Variants in PHLPP1 observed in about 807,000 individuals in gnomAD.
PHLPP1 encodes the protein PH domain and leucine rich repeat protein phosphatase 1.
In PHLPP1, 42 loss-of-function variants were observed where a neutral mutation model predicts 117.2. The ratio of observed to expected loss-of-function variants is 0.36; its 90% CI spans 0.28 to 0.46. The LOEUF (loss-of-function observed/expected upper bound fraction) is 0.46. Among genes scored for constraint, PHLPP1 ranks in the 20% least tolerant of loss-of-function variants. PHLPP1 has a pLI of 1.00. For missense variants in PHLPP1, 2,084 were observed against 2,241.9 expected (o/e 0.93, Z 1.42); for synonymous variants, 1,042 against 970.7 (o/e 1.07, Z -1.37).
intron 10 of PHLPP1, among the ~76,000 whole-genome samples, chr18:62,933,013 T>C (rs891767055): frequency 1.3e-5 from 2 of 151,880 alleles, no homozygotes; most frequent in Non-Finnish European, 2.9e-5. Context: ...CCATTTACAA[T>C]AGCAAAAAAA....
intron 1 of PHLPP1, among the ~76,000 whole-genome samples, chr18:62,788,469 GA>G (rs1264963698): frequency 6.6e-6 from 1 of 152,160 alleles, no homozygotes; most frequent in Non-Finnish European, 1.5e-5. Context: ...GGCAAAAGGT[GA>G]AAGGTTTTTC....
At position 62,961,126 on chromosome 18, in the gene PHLPP1, G is replaced by A. The variant is rs145598192; in HGVS notation, c.3456-2242G>A. Among the ~76,000 whole-genome samples, 187 of 152,128 alleles carry A rather than the reference G, an allele frequency of 1.2e-3. 1 individual carries two copies. Among genetic ancestry groups the A allele is most frequent in the Non-Finnish European group, 1.7e-3 (117 of 67,996 alleles). Reference sequence around the variant, plus strand: ...AGCCTGACCAACATGATGAAAACCCGTCTCTACTAAATACAAAAAAATTGG... The same window carrying A: ...AGCCTGACCAACATGATGAAAACCCATCTCTACTAAATACAAAAAAATTGG... On this transcript the variant is annotated intron_variant, in intron 13 of 16. Coordinates refer to ENST00000262719, the MANE Select transcript of PHLPP1 (RefSeq NM_194449.4).
At chr18:62,720,643 T>C (rs955800599) in intron 1 of PHLPP1, among the ~76,000 whole-genome samples, 2 of 152,188 alleles carry the variant, frequency 1.3e-5, no homozygotes, top group African/African-American at 4.8e-5. Context: ...AGTAACGCGG[T>C]TCGAACGTGT....
intron 1 of PHLPP1, among the ~76,000 whole-genome samples, chr18:62,728,155 C>T (rs756700679): frequency 7.3e-5 from 11 of 151,720 alleles, no homozygotes; most frequent in East Asian, 2.0e-4. Flanking sequence ...ATTAGCTGGA[C>T]GTGGTGGTGC....
chr18:62,722,280 G>A (rs1910944025), intron 1 of PHLPP1, among the ~76,000 whole-genome samples: 1 of 152,194 alleles, frequency 6.6e-6, no homozygotes, highest in Non-Finnish European at 1.5e-5. Flanking sequence ...TGAGACATCT[G>A]TCAAATGAGG....
intron 10 of PHLPP1, among the ~76,000 whole-genome samples, chr18:62,939,936 A>G (rs1249140298): frequency 6.6e-6 from 1 of 151,990 alleles, no homozygotes; most frequent in African/African-American, 2.4e-5. Context: ...AATAGTCCTG[A>G]ATTGAATGGT....
intron 11 of PHLPP1, among the ~76,000 whole-genome samples, chr18:62,943,425 G>T (rs544291175): frequency 5.9e-5 from 9 of 152,114 alleles, no homozygotes; most frequent in South Asian, 4.1e-4. Context: ...TTTATGTGGC[G>T]AGTTGGAAAT....
intron 1 of PHLPP1, among the ~76,000 whole-genome samples, chr18:62,739,647 A>G (rs180715849): frequency 4.1e-3 from 628 of 152,270 alleles, no homozygotes; most frequent in Non-Finnish European, 6.7e-3. Context: ...CAGAGGGGAA[A>G]AATTTAAACA....
rs140272754 is a variant in PHLPP1, at chr18:62,874,754, T to C, written c.2066+14153T>C. 4.0e-3 allele frequency among the ~76,000 whole-genome samples: 608 copies of C among 152,222 alleles called. 5 individuals are homozygous for C. The highest frequency in any genetic ancestry group is 4.9e-3 in the Non-Finnish European group (336 of 68,014). ...CATGTGGACACACTGGTGAACGTAA[T>C]GTGCACAGCTTTAGGATGTGGGAGG... On this transcript the variant is annotated intron_variant, in intron 4 of 16. Transcript: ENST00000262719.
chr18:62,794,238 T>G (rs1913555695), intron 1 of PHLPP1, among the ~76,000 whole-genome samples: 1 of 152,220 alleles, frequency 6.6e-6, no homozygotes, highest in Non-Finnish European at 1.5e-5. Flanking sequence ...TTTTGTTGTT[T>G]TTTTTCTTTC....
intron 4 of PHLPP1, among the ~76,000 whole-genome samples, chr18:62,887,774 A>T (rs1296095912): frequency 6.6e-6 from 1 of 151,942 alleles, no homozygotes; most frequent in East Asian, 1.9e-4. Context: ...GTCTCACTGT[A>T]TTGCCTAGGC....
chr18:62,924,286 AT>A (rs931786751), intron 10 of PHLPP1, among the ~76,000 whole-genome samples: 3 of 152,022 alleles, frequency 2.0e-5, no homozygotes, highest in Admixed American at 6.6e-5. Flanking sequence ...CCTTTTTTAT[AT>A]TTTTTTGTGA....
At chr18:62,915,625 A>G (rs937368686) in intron 9 of PHLPP1, among the ~76,000 whole-genome samples, 51 of 152,350 alleles carry the variant, frequency 3.3e-4, no homozygotes, top group Non-Finnish European at 2.4e-4. Flanking sequence ...ATACAGACAG[A>G]TATTTTCAAG....
intron 12 of PHLPP1, among the ~76,000 whole-genome samples, chr18:62,955,438 C>T (rs1328698088): frequency 6.6e-6 from 1 of 152,112 alleles, no homozygotes; most frequent in East Asian, 1.9e-4. Context: ...GAAGCAAGAC[C>T]AAAAGCAAAT....
At chr18:62,894,586 G>C (rs185072033) in intron 4 of PHLPP1, among the ~76,000 whole-genome samples, 444 of 152,302 alleles carry the variant, frequency 2.9e-3, no homozygotes, top group Non-Finnish European at 5.6e-3. Flanking sequence ...TCAGTTTTGG[G>C]TTTGAGAAAC....
chr18:62,739,879 G>A (rs534303096), intron 1 of PHLPP1, among the ~76,000 whole-genome samples: 1 of 152,120 alleles, frequency 6.6e-6, no homozygotes, highest in East Asian at 1.9e-4. Flanking sequence ...GCTTTTTCTC[G>A]AGCTCATCAA....
chr18:62,735,604 A>G (rs1275821326), intron 1 of PHLPP1, among the ~76,000 whole-genome samples: 2 of 151,840 alleles, frequency 1.3e-5, no homozygotes, highest in East Asian at 3.8e-4. Flanking sequence ...CAACAACAAC[A>G]AAACCAGTTG....
intron 1 of PHLPP1, among the ~76,000 whole-genome samples, chr18:62,804,888 G>A (rs970961003): frequency 2.8e-5 from 4 of 141,658 alleles, no homozygotes; most frequent in Non-Finnish European, 1.5e-5. Flanking sequence ...AATATACACT[G>A]CATATATTAT....
chr18:62,792,182 T>C (rs1913480112), intron 1 of PHLPP1, among the ~76,000 whole-genome samples: 1 of 152,230 alleles, frequency 6.6e-6, no homozygotes, highest in East Asian at 1.9e-4. Context: ...CATATGATAC[T>C]GACCGAGCTT....
Sources: gnomAD v4.1 joint callset for allele counts (sites outside exome capture counted in the v4.1 genomes callset) on GRCh38, gnomAD v4.1.1 for gene constraint, MANE v1.5 for transcripts, NCBI Gene and HGNC (gene_info 2026-07-23, HGNC 2026-07-21) for gene names.